The following SMIM13 variants were observed in gnomAD, a reference collection of about 807,000 sequenced individuals.
The protein encoded by SMIM13 is UPF0766 protein C6orf228.
A neutral mutation model predicts 5.9 loss-of-function variants in SMIM13; 3 were observed. The observed-to-expected ratio is 0.51, with a 90% CI of 0.23 to 1.31. The LOEUF (loss-of-function observed/expected upper bound fraction) is 1.31. Among genes scored for constraint, SMIM13 ranks in the 40% most tolerant of loss-of-function variants. The pLI is 0.18. For synonymous variants in SMIM13, 55 were observed against 46.0 expected (o/e 1.19, Z -0.79); for missense variants, 85 against 109.9 (o/e 0.77, Z 1.01).
chr6:11,126,729 G>C (rs573672864), intron 1 of SMIM13, among the ~76,000 whole-genome samples: 3 of 152,104 alleles, frequency 2.0e-5, no homozygotes, highest in Admixed American at 1.3e-4. Context: ...TGTTTATTAT[G>C]GTCTTCACAA....
intron 1 of SMIM13, chr6:11,111,537 A>C (rs1256468635): frequency 3.3e-5 from 5 of 152,896 alleles, no homozygotes; most frequent in Non-Finnish European, 5.8e-5. Flanking sequence ...GAGAGCAGCC[A>C]GGGGGAGCAG....
chr6:11,119,049 G>A (rs1239258926), intron 1 of SMIM13, among the ~76,000 whole-genome samples: 1 of 152,184 alleles, frequency 6.6e-6, no homozygotes, highest in Non-Finnish European at 1.5e-5. Flanking sequence ...ATCTAGGATA[G>A]AGAATGACAC....
At chr6:11,113,077 C>T (rs1758191173) in intron 1 of SMIM13, among the ~76,000 whole-genome samples, 1 of 152,056 alleles carries the variant, frequency 6.6e-6, no homozygotes, top group South Asian at 2.1e-4. Flanking sequence ...GTAATCCACC[C>T]GCCTGGGCCT....
At chr6:11,105,427 T>C (rs1341517660) in intron 1 of SMIM13, 12 of 730,132 alleles carry the variant, frequency 1.6e-5, no homozygotes, top group Non-Finnish European at 2.7e-5. Context: ...ATTTCTAGTA[T>C]TGGGATCACC....
Position 11,134,635 on chromosome 6 carries a change from C to T in SMIM13, c.*33C>T. 2 of 1,400,692 alleles carry T rather than the reference C, an allele frequency of 1.4e-6. No individual in the cohort carries two copies. 86.8% of individuals were successfully genotyped at this position (1,400,692 alleles called of 1,614,324 possible). On this transcript the variant is annotated 3_prime_UTR_variant, in exon 2 of 2. Coordinates refer to ENST00000416247, the MANE Select transcript of SMIM13 (RefSeq NM_001135575.2). ...CTTGTGAAGGATGAAAAGGCAGTTGCCAGCTTCTGTCTTTTACTGACTTCG... is the reference window on the plus strand; with the variant it reads ...CTTGTGAAGGATGAAAAGGCAGTTGTCAGCTTCTGTCTTTTACTGACTTCG...
At chr6:11,125,520 T>A (rs945943853) in intron 1 of SMIM13, among the ~76,000 whole-genome samples, 3 of 152,036 alleles carry the variant, frequency 2.0e-5, no homozygotes, top group Non-Finnish European at 4.4e-5. Context: ...TGCTTGAACC[T>A]GGGAAGTAGA....
intron 1 of SMIM13, among the ~76,000 whole-genome samples, chr6:11,096,831 C>T (rs1048785878): frequency 1.3e-4 from 20 of 152,248 alleles, no homozygotes; most frequent in African/African-American, 4.8e-4. Flanking sequence ...TCCTGAGTAG[C>T]TGGGATCACA....
intron 1 of SMIM13, among the ~76,000 whole-genome samples, chr6:11,121,041 A>G (rs1758301254): frequency 6.6e-6 from 1 of 152,216 alleles, no homozygotes. Flanking sequence ...ATTTGAACAA[A>G]TGCTTAGTTA....
chr6:11,104,190 A>C, intron 1 of SMIM13: 2 of 1,551,650 alleles, frequency 1.3e-6, no homozygotes, highest in Non-Finnish European at 1.7e-6. Context: ...AGCTTTTGTG[A>C]TTCCAGCAAT....
intron 1 of SMIM13, among the ~76,000 whole-genome samples, chr6:11,096,559 G>A (rs1757926216): frequency 6.6e-6 from 1 of 152,188 alleles, no homozygotes; most frequent in Non-Finnish European, 1.5e-5. Flanking sequence ...CGGGAACTTG[G>A]GGAGAGGAGG....
At position 11,126,675 on chromosome 6, in the gene SMIM13, A is replaced by G. The variant is rs185813384; in HGVS notation, c.77-7728A>G. 6.0e-5 allele frequency among the ~76,000 whole-genome samples: 9 copies of G among 149,260 alleles called. No individual in the cohort carries two copies. In the East Asian group the frequency reaches 1.7e-3, roughly 29 times the overall value. ...GGTCGTGTTTTCCTGGATGGTCTTG[A>G]TACTTCTGGATGTTTATTGGTGTCT... On this transcript the variant is annotated intron_variant, in intron 1 of 1. Coordinates refer to ENST00000416247, the MANE Select transcript of SMIM13 (RefSeq NM_001135575.2).
chr6:11,128,246 C>T (rs1426418721), intron 1 of SMIM13, among the ~76,000 whole-genome samples: 2 of 152,150 alleles, frequency 1.3e-5, no homozygotes, highest in Non-Finnish European at 2.9e-5. Flanking sequence ...ATGCATCCTG[C>T]TAGGACTGGG....
rs1022242904 is a variant in SMIM13 at position 11,121,620 on chromosome 6, T to C, written c.77-12783T>C. Among the ~76,000 whole-genome samples the C allele has an allele frequency of 4.6e-5, 7 of 152,308 alleles. 1 individual carries two copies. The South Asian group carries it at 1.4e-3, about 32-fold the overall frequency. On this transcript the variant is annotated intron_variant, in intron 1 of 1. Transcript: ENST00000416247. Reference sequence around the variant, plus strand: ...ACACCCCTCTGCTGTTATTTGGTGCTCTCTTACCAATATCATGTAAAGGGT... The same window carrying C: ...ACACCCCTCTGCTGTTATTTGGTGCCCTCTTACCAATATCATGTAAAGGGT...
chr6:11,097,713 C>T (rs1757943674), intron 1 of SMIM13, among the ~76,000 whole-genome samples: 1 of 151,630 alleles, frequency 6.6e-6, no homozygotes, highest in Non-Finnish European at 1.5e-5. Context: ...TACAGTCACA[C>T]TGGGGGTTAG....
chr6:11,123,132 T>C (rs12529581), intron 1 of SMIM13, among the ~76,000 whole-genome samples: 39,376 of 152,086 alleles, frequency 0.26, 5,436 homozygotes, highest in African/African-American at 0.32. Context: ...GACACTTGAA[T>C]TCAGTTTAGG....
At chr6:11,110,842 C>G (rs1389352102) in intron 1 of SMIM13, among the ~76,000 whole-genome samples, 1 of 152,158 alleles carries the variant, frequency 6.6e-6, no homozygotes, top group Admixed American at 6.5e-5. Flanking sequence ...GAGAATTTTC[C>G]TTCCCCACAA....
intron 1 of SMIM13, chr6:11,104,203 C>T (rs1488204097): frequency 4.5e-6 from 7 of 1,551,670 alleles, no homozygotes; most frequent in African/African-American, 2.7e-5. Context: ...CCAGCAATTC[C>T]GGTTCCCGTA....
chr6:11,119,539 A>G (rs1278444481), intron 1 of SMIM13, among the ~76,000 whole-genome samples: 2 of 152,160 alleles, frequency 1.3e-5, no homozygotes, highest in Non-Finnish European at 2.9e-5. Flanking sequence ...CTGTTGTCCC[A>G]GCTACTCGGG....
chr6:11,114,575 G>A (rs1758211899), intron 1 of SMIM13, among the ~76,000 whole-genome samples: 1 of 123,014 alleles, frequency 8.1e-6, no homozygotes, highest in Non-Finnish European at 1.7e-5. Context: ...GTATTGAGAT[G>A]GTCATGCACT....
Sources: allele counts gnomAD v4.1 joint callset (sites outside exome capture counted in the v4.1 genomes callset), GRCh38; gene constraint gnomAD v4.1.1; transcripts MANE v1.5; gene names NCBI Gene and HGNC (gene_info 2026-07-23, HGNC 2026-07-21).